The following RNF40 variants were observed in gnomAD, a reference collection of about 807,000 sequenced individuals.
RNF40 encodes the protein ring finger protein 40.
In RNF40, 39 loss-of-function variants were observed where a neutral mutation model predicts 123.3. The ratio of observed to expected loss-of-function variants is 0.32; its 90% CI spans 0.24 to 0.41. RNF40 has a LOEUF of 0.41. Ranked by LOEUF, RNF40 falls within the 10% of genes least tolerant of loss-of-function variation. The probability of loss-of-function intolerance (pLI) is 1.00; values close to 1 mark genes in which losing one functional copy is unlikely to be tolerated. For synonymous variants in RNF40, 538 were observed against 526.0 expected, an observed-to-expected ratio of 1.02 and a Z score of -0.31; for missense variants, 1,003 against 1,319.9, an observed-to-expected ratio of 0.76 and a Z score of 3.72.
In RNF40 at chr16:30,769,255, G is replaced by C. The variant is rs991770340; in HGVS notation, c.2317G>C (p.Gly773Arg). The stretch of plus-strand genomic sequence containing the variant: ...TTTTGAGGACATGCAGGAACAGAAC[G>C]GGCGGCTGCTACAGCAGTTGCGGGA... ...QAFEDMQEQN[G>R]RLLQQLREKD... The change falls in exon 16 of 20, where the codon GGG becomes CGG. Residue 773 changes from glycine (G) to arginine (R), a missense_variant. Physicochemically the swap from Gly to Arg is moderately radical, Grantham distance 125. Coordinates refer to ENST00000324685, the MANE Select transcript of RNF40 (RefSeq NM_014771.4). 1 of 1,614,214 alleles carries C rather than the reference G, an allele frequency of 6.2e-7. No individual in the cohort carries two copies. The highest frequency in any genetic ancestry group is 8.5e-7 in the Non-Finnish European group (1 of 1,180,038).
chr16:30,767,741 A>G (rs1341089536), intron 11 of RNF40, 153 bp from the exon 12 acceptor site: 3 of 930,104 alleles, frequency 3.2e-6, no homozygotes, highest in Non-Finnish European at 4.9e-6. Flanking sequence ...TGAAGTCAGC[A>G]TTATTTACTT....
chr16:30,761,713 C>T (rs181301950), upstream of RNF40: 232 of 1,531,828 alleles, frequency 1.5e-4, 3 homozygotes, highest in East Asian at 2.7e-3. Flanking sequence ...ACTGCACCCT[C>T]ATTCCCAAAA....
intron 3 of RNF40, 26 bp downstream of exon 3, chr16:30,763,311 C>A (rs767653862): frequency 1.2e-6 from 2 of 1,612,660 alleles, no homozygotes; most frequent in African/African-American, 2.7e-5. Context: ...TTTCAAAGAC[C>A]AGGCCTTGAT....
chr16:30,762,275 GT>G, upstream of RNF40: 1 of 444,138 alleles, frequency 2.3e-6, no homozygotes, highest in East Asian at 3.8e-5. Flanking sequence ...CCTGCGCACC[GT>G]TGGGGGGGGG....
rs370365187 is a variant in RNF40, at chr16:30,763,160, C to T, written c.175C>T (p.Leu59=). The change falls in exon 3 of 20, where the codon CTG becomes TTG. Residue 59 remains leucine, a synonymous_variant. Transcript: ENST00000324685. The part of the protein sequence containing the change: ...LKVLQFKNKK[L]AERLEQRQAC... ...GGTACTACAGTTCAAGAACAAGAAA[C>T]TGGCAGAGCGGCTGGAACAACGGCA... is the stretch of plus-strand genomic sequence containing the variant. 2 of 1,614,064 alleles carry T rather than the reference C, an allele frequency of 1.2e-6. No individual in the cohort carries two copies. The highest frequency in any genetic ancestry group is 8.5e-7 in the Non-Finnish European group (1 of 1,180,040).
chr16:30,765,603 C>T, intron 8 of RNF40, 104 bp downstream of exon 8: 2 of 982,482 alleles, frequency 2.0e-6, no homozygotes, highest in Middle Eastern at 2.3e-4. Flanking sequence ...GAGGCCCTTC[C>T]TGGTCACTCC....
chr16:30,766,051 T>C lies in RNF40; in HGVS notation c.994-112T>C. On this transcript the variant is annotated intron_variant, in intron 8 of 19. Coordinates refer to ENST00000324685, the MANE Select transcript of RNF40 (RefSeq NM_014771.4). This position sits in a 1 kb window ranked among gnomAD's most constrained non-coding sequence, Gnocchi z 5.4. ...AAGTACTTGGTTTGGGGTGTCAGAA[T>C]CGATCATTGCCCTGCACGGGGTGCT... is the stretch of plus-strand genomic sequence containing the variant. The C allele has an allele frequency of 6.8e-7, 1 of 1,474,608 alleles. No individual in the cohort carries two copies. The highest frequency in any genetic ancestry group is 9.3e-7 in the Non-Finnish European group (1 of 1,070,736). 91.3% of individuals were successfully genotyped at this position (1,474,608 alleles called of 1,614,324 possible).
At chr16:30,762,942 C>T (rs1176992824) in intron 2 of RNF40, among the ~76,000 whole-genome samples, 176 bp from the exon 3 acceptor site, 2 of 152,220 alleles carry the variant, frequency 1.3e-5, no homozygotes, top group Non-Finnish European at 2.9e-5. Flanking sequence ...AGCCTCCTCA[C>T]AACAAAGACA....
chr16:30,772,168 A>G lies in RNF40; in HGVS notation c.2807A>G (p.Gln936Arg). 1 of 1,552,726 alleles carries G rather than the reference A, an allele frequency of 6.4e-7. No individual in the cohort carries two copies. Among genetic ancestry groups the G allele is most frequent in the Non-Finnish European group, 8.7e-7 (1 of 1,147,524 alleles). The change falls in exon 19 of 20, where the codon CAG (glutamine) becomes CGG (arginine). Residue 936 changes from glutamine (Q) to arginine (R), a missense_variant. By Grantham distance (43) the Gln-to-Arg change is conservative. Around this residue, in one of 11 missense-constraint regions of RNF40, gnomAD observed 76 missense variants for 134.1 expected, o/e 0.57. Coordinates refer to ENST00000324685, the MANE Select transcript of RNF40 (RefSeq NM_014771.4). ...TACGCAGATGCCGACGAAATCCTCC[A>G]GGAGGAGATCAAGGAGTACAAGGTG... is the stretch of plus-strand genomic sequence containing the variant. ...EVYADADEIL[Q>R]EEIKEYKARL...
intron 2 of RNF40, 164 bp downstream of exon 2, chr16:30,762,841 C>A: frequency 1.1e-6 from 1 of 928,000 alleles, no homozygotes. Flanking sequence ...CGACGCCTGT[C>A]TTCCCTTTAC....
At position 30,764,248 on chromosome 16, in the gene RNF40, C is replaced by T; in HGVS notation, c.512C>T (p.Ala171Val). The T allele has an allele frequency of 6.2e-7, 1 of 1,612,604 alleles. No homozygotes were observed. Among genetic ancestry groups the T allele is most frequent in the Non-Finnish European group, 8.5e-7 (1 of 1,179,384 alleles). ...PALAFVVALG[A>V]SSSEEVELEL... ...TTGGCTTTTGTGGTGGCACTGGGTG[C>T]CAGCAGCAGTGAGGAGGTGGAGCTG... The change falls in exon 5 of 20, where the codon GCC becomes GTC. Residue 171 changes from alanine to valine, a missense_variant. Coordinates refer to ENST00000324685, the MANE Select transcript of RNF40 (RefSeq NM_014771.4).
chr16:30,766,031 C>G lies in RNF40; in HGVS notation c.994-132C>G. The G allele has an allele frequency of 7.8e-7, 1 of 1,289,262 alleles. No homozygotes were observed. The highest frequency in any genetic ancestry group is 1.5e-5 in the African/African-American group (1 of 67,746). 79.9% of individuals were successfully genotyped at this position (1,289,262 alleles called of 1,614,324 possible). ...TTTTCTGGGAGCCCTTAGGAAAGTACTTGGTTTGGGGTGTCAGAATCGATC... is the reference window on the plus strand; with the variant it reads ...TTTTCTGGGAGCCCTTAGGAAAGTAGTTGGTTTGGGGTGTCAGAATCGATC... On this transcript the variant is annotated intron_variant, in intron 8 of 19. Transcript: ENST00000324685. The surrounding 1 kb of genome is among the most constrained non-coding windows in gnomAD (Gnocchi z 5.4).
At position 30,775,385 on chromosome 16, in the gene RNF40, C is replaced by G. The variant is rs2054215669; in HGVS notation, c.*1271C>G. 4.5e-6 allele frequency: 1 copy of G among 223,076 alleles called. No individual in the cohort carries two copies. The highest frequency in any genetic ancestry group is 9.1e-6 in the Non-Finnish European group (1 of 110,124). 13.8% of individuals were successfully genotyped at this position (223,076 alleles called of 1,614,324 possible). On this transcript the variant is annotated 3_prime_UTR_variant, in exon 20 of 20. Coordinates refer to ENST00000324685, the MANE Select transcript of RNF40 (RefSeq NM_014771.4). ...CTGTCCTGCTCCCACCGACCCCGGT[C>G]TGACCACGTCCTTGGCTGTCATGGC...
chr16:30,765,082 G>C, intron 6 of RNF40, 23 bp downstream of exon 6: 1 of 1,612,948 alleles, frequency 6.2e-7, no homozygotes. Context: ...GGGCTTTGGG[G>C]GTGTGATTAG....
chr16:30,769,384 G>A lies in RNF40; in HGVS notation c.2446G>A (p.Gly816Ser). 6.2e-7 allele frequency: 1 copy of A among 1,614,246 alleles called. No individual in the cohort carries two copies. Among genetic ancestry groups the A allele is most frequent in the Non-Finnish European group, 8.5e-7 (1 of 1,180,046 alleles). Residue 816 changes from glycine (G) to serine (S), a missense_variant, in exon 16 of 20, where the codon GGC becomes AGC. By Grantham distance (56) the Gly-to-Ser change is moderately conservative. This residue lies in a region of RNF40 where 121 missense variants were observed against 125.3 expected (regional missense o/e 0.97). Transcript: ENST00000324685. ...EKDELGEQVL[G>S]LKSQVDAQLL... ...GGATGAGTTGGGCGAGCAGGTCCTT[G>A]GCCTCAAGTCCCAGGTATGGCCGCC...
intron 8 of RNF40, 76 bp downstream of exon 8, chr16:30,765,575 G>A: frequency 7.4e-7 from 1 of 1,342,568 alleles, no homozygotes; most frequent in Non-Finnish European, 1.1e-6. Flanking sequence ...TCAGGACAAA[G>A]GACAAACATC....
chr16:30,763,081 T>G, intron 2 of RNF40, 37 bp from the exon 3 acceptor site: 1 of 1,611,334 alleles, frequency 6.2e-7, no homozygotes, highest in Middle Eastern at 1.7e-4. Flanking sequence ...TGGGCCCTGC[T>G]TGACGCTCTC....
chr16:30,771,825 C>G lies in RNF40; in HGVS notation c.2587-8C>G, dbSNP rs369289379. On this transcript the variant is annotated splice_region_variant and splice_polypyrimidine_tract_variant and intron_variant, in intron 17 of 19. Coordinates refer to ENST00000324685, the MANE Select transcript of RNF40 (RefSeq NM_014771.4). Reference sequence around the variant, plus strand: ...ACCAGTGCCTCCTTCCTGTTCCACCCTACTCAGGCTGTAGAAGCCGCCCAG... The same window carrying G: ...ACCAGTGCCTCCTTCCTGTTCCACCGTACTCAGGCTGTAGAAGCCGCCCAG... 139 of 1,563,062 alleles carry G rather than the reference C, an allele frequency of 8.9e-5. No homozygotes were observed. Among genetic ancestry groups the G allele is most frequent in the Non-Finnish European group, 1.2e-4 (136 of 1,154,470 alleles).
chr16:30,762,364 A>G lies in RNF40; in HGVS notation c.-72+4A>G. 3.3e-6 allele frequency: 2 copies of G among 599,604 alleles called. No individual in the cohort carries two copies. Among genetic ancestry groups the G allele is most frequent in the Non-Finnish European group, 5.4e-6 (2 of 369,914 alleles). The allele number at this position is 599,604 out of a possible 1,614,324, so 37.1% of individuals were successfully genotyped here. A position where few individuals can be genotyped will look rare whatever the true frequency, so the allele number is the denominator to read the frequency against. On this transcript the variant is annotated splice_donor_region_variant and intron_variant, in intron 1 of 19. Coordinates refer to ENST00000324685, the MANE Select transcript of RNF40 (RefSeq NM_014771.4). ...CGCTAGGCTGACCCTCCTGCTGGTG[A>G]GGGCTCTGGCGCCGGGGGGGACGGG...
Sources: allele counts gnomAD v4.1 joint callset (sites outside exome capture counted in the v4.1 genomes callset), GRCh38; gene constraint gnomAD v4.1.1; regional missense constraint gnomAD v4.1.1; non-coding constraint Gnocchi (gnomAD v3.1); transcripts MANE v1.5; gene names NCBI Gene and HGNC (gene_info 2026-07-23, HGNC 2026-07-21).